The following LRRC56 variants were observed in gnomAD, a reference collection of about 807,000 sequenced individuals.
LRRC56 encodes the protein leucine-rich repeat-containing protein 56.
LRRC56 carries 41 observed loss-of-function variants against 47.8 expected under a neutral mutation model. The ratio of observed to expected loss-of-function variants is 0.86; its 90% CI spans 0.67 to 1.11. The LOEUF is 1.11. Ranked by LOEUF, LRRC56 falls within the 50% of genes most tolerant of loss-of-function variation. The pLI is 0.00. For missense variants in LRRC56, 759 were observed against 704.2 expected (o/e 1.08, Z -0.88); for synonymous variants, 387 against 311.2 (o/e 1.24, Z -2.56).
chr11:528,372 C>G, the LRRC56 span: 3 of 152,332 alleles, frequency 2.0e-5, no homozygotes, highest in Admixed American at 6.5e-5. Flanking sequence ...CTTCCTCCAC[C>G]CCCTCGGCAG....
chr11:521,535 C>T, the LRRC56 span, among the ~76,000 whole-genome samples: 1 of 152,158 alleles, frequency 6.6e-6, no homozygotes, highest in Admixed American at 6.6e-5. Context: ...CCTTGAACTC[C>T]TAGCTCAAGC....
the LRRC56 span, among the ~76,000 whole-genome samples, chr11:514,679 T>A: frequency 6.6e-6 from 1 of 152,152 alleles, no homozygotes; most frequent in Non-Finnish European, 1.5e-5. Context: ...TAAAGTATTT[T>A]AAATTGAGGC....
chr11:533,399 T>TGGGGC (rs757540126), upstream of LRRC56: 74 of 1,323,844 alleles, frequency 5.6e-5, no homozygotes, highest in African/African-American at 1.6e-4. Context: ...GCTCCCTGGC[T>TGGGGC]GGGGCGGGGC....
At chr11:550,809 G>A (rs937294591) in intron 8 of LRRC56, among the ~76,000 whole-genome samples, 2 of 152,122 alleles carry the variant, frequency 1.3e-5, no homozygotes, top group African/African-American at 4.8e-5. Context: ...TGAGGTCAGC[G>A]TCTACCAGTG....
chr11:511,504 T>C, the LRRC56 span, among the ~76,000 whole-genome samples: 8 of 152,286 alleles, frequency 5.3e-5, no homozygotes, highest in African/African-American at 1.9e-4. Context: ...ATGTAGCGTA[T>C]CCTCTGATTC....
At chr11:513,644 G>A in the LRRC56 span, among the ~76,000 whole-genome samples, 4 of 151,990 alleles carry the variant, frequency 2.6e-5, no homozygotes, top group Admixed American at 6.6e-5. Flanking sequence ...CGCGTGCTAC[G>A]GAGAAATCTT....
At chr11:513,778 C>T in the LRRC56 span, among the ~76,000 whole-genome samples, 4 of 149,626 alleles carry the variant, frequency 2.7e-5, no homozygotes, top group East Asian at 4.0e-4. Context: ...GCCGAGATCA[C>T]GCCATTGAAC....
intron 9 of LRRC56, 89 bp downstream of exon 9, chr11:551,391 G>A: frequency 1.1e-6 from 1 of 942,962 alleles, no homozygotes; most frequent in Non-Finnish European, 1.6e-6. Context: ...GAAACGGATA[G>A]CCACATCTCA....
Position 541,512 on chromosome 11 carries a change from G to A in LRRC56, c.178-25G>A, listed in dbSNP as rs758561875. 2.1e-5 allele frequency: 30 copies of A among 1,449,436 alleles called. No individual in the cohort carries two copies. The highest frequency in any genetic ancestry group is 8.3e-5 in the Admixed American group (4 of 47,976). 89.8% of individuals were successfully genotyped at this position (1,449,436 alleles called of 1,614,324 possible). A position where few individuals can be genotyped will look rare whatever the true frequency, so the allele number is the denominator to read the frequency against. On this transcript the variant is annotated intron_variant, in intron 4 of 13. Transcript: ENST00000270115. The surrounding 1 kb of genome is among the most constrained non-coding windows in gnomAD (Gnocchi z 4.1). ...TAAAGTGGGGAGAGCCAGGACCAGC[G>A]CTGACCCCCGGTTGGTTTCTACAGC...
the LRRC56 span, among the ~76,000 whole-genome samples, chr11:516,198 A>C: frequency 3.3e-5 from 5 of 152,116 alleles, no homozygotes; most frequent in Admixed American, 3.3e-4. Context: ...GTTCAAGACC[A>C]GCCTGGCCAA....
chr11:518,808 T>C, the LRRC56 span, among the ~76,000 whole-genome samples: 14,836 of 151,760 alleles, frequency 0.098, 1,009 homozygotes, highest in Admixed American at 0.19. Flanking sequence ...CCCTCCTGGA[T>C]GTGGCCGGCG....
At chr11:511,584 A>G in the LRRC56 span, among the ~76,000 whole-genome samples, 1 of 152,262 alleles carries the variant, frequency 6.6e-6, no homozygotes, top group Non-Finnish European at 1.5e-5. Flanking sequence ...ACTTTGCCCC[A>G]TAAGGGTTCT....
chr11:546,321 T>C (rs750215428), intron 6 of LRRC56, among the ~76,000 whole-genome samples: 21 of 150,970 alleles, frequency 1.4e-4, no homozygotes, highest in African/African-American at 2.0e-4. Flanking sequence ...GTAATCCCAG[T>C]ACTTTGGGAG....
chr11:546,143 G>A (rs547505199), intron 6 of LRRC56, among the ~76,000 whole-genome samples: 10 of 152,282 alleles, frequency 6.6e-5, no homozygotes, highest in African/African-American at 2.2e-4. Context: ...GGTGGCACAT[G>A]CCTGTAACCC....
chr11:533,656 CAGCGG>C (rs1432611988), upstream of LRRC56: 2 of 1,613,076 alleles, frequency 1.2e-6, no homozygotes, highest in African/African-American at 2.7e-5. Context: ...GCTGCAGGCG[CAGCGG>C]CATCCAGGAC....
the LRRC56 span, among the ~76,000 whole-genome samples, chr11:531,565 G>A: frequency 6.6e-6 from 1 of 152,216 alleles, no homozygotes; most frequent in African/African-American, 2.4e-5. Context: ...AGAGCAACCA[G>A]CCATGAGGCA....
the LRRC56 span, among the ~76,000 whole-genome samples, chr11:530,367 G>T: frequency 6.6e-6 from 1 of 152,246 alleles, no homozygotes; most frequent in Non-Finnish European, 1.5e-5. Context: ...CTGGCCTCGG[G>T]AAGTCTATCG....
intron 6 of LRRC56, among the ~76,000 whole-genome samples, chr11:545,665 T>G (rs1387480540): frequency 1.3e-5 from 2 of 152,076 alleles, no homozygotes; most frequent in Non-Finnish European, 2.9e-5. Flanking sequence ...CTCACAACAT[T>G]CGGAGCTGAA....
chr11:532,495 TCCGGCA>T, the LRRC56 span: 1 of 1,160,330 alleles, frequency 8.6e-7, no homozygotes, highest in Non-Finnish European at 1.2e-6. Flanking sequence ...CCTTCCTGCA[TCCGGCA>T]CCTCCATGTC....
Sources: allele counts gnomAD v4.1 joint callset (sites outside exome capture counted in the v4.1 genomes callset), GRCh38; gene constraint gnomAD v4.1.1; non-coding constraint Gnocchi (gnomAD v3.1); transcripts MANE v1.5; gene names NCBI Gene and HGNC (gene_info 2026-07-23, HGNC 2026-07-21).